Variants in SDK1 observed in about 807,000 individuals in gnomAD.
The protein encoded by SDK1 is sidekick cell adhesion molecule 1.
A neutral mutation model predicts 245.5 loss-of-function variants in SDK1; 157 were observed. The observed-to-expected ratio is 0.64, with a 90% CI of 0.56 to 0.73. SDK1 has a LOEUF of 0.73. Ranked by LOEUF, SDK1 falls within the 30% of genes least tolerant of loss-of-function variation. The pLI is 0.00. For missense variants in SDK1, 3,583 were observed against 3,002.3 expected (o/e 1.19, Z -4.52); for synonymous variants, 1,647 against 1,278.5 (o/e 1.29, Z -6.15).
chr7:3,355,665 C>T (rs575935804), intron 1 of SDK1, among the ~76,000 whole-genome samples: 32 of 152,256 alleles, frequency 2.1e-4, no homozygotes, highest in Middle Eastern at 3.4e-3. Context: ...AGCTTTCCAC[C>T]GACAAATCTA....
intron 5 of SDK1, among the ~76,000 whole-genome samples, chr7:3,828,425 AAAAAG>A (rs1350991573): frequency 1.3e-5 from 2 of 152,022 alleles, no homozygotes; most frequent in Admixed American, 6.6e-5. Context: ...TTTATCTATG[AAAAAG>A]AAAAGATTAG....
At chr7:3,585,490 G>A (rs1176543736) in intron 1 of SDK1, among the ~76,000 whole-genome samples, 2 of 152,154 alleles carry the variant, frequency 1.3e-5, no homozygotes, top group African/African-American at 4.8e-5. Context: ...GAGAGAAGGA[G>A]GCGCTCTTGA....
intron 4 of SDK1, among the ~76,000 whole-genome samples, chr7:3,803,872 C>T (rs1779173585): frequency 6.6e-6 from 1 of 150,738 alleles, no homozygotes; most frequent in Admixed American, 6.6e-5. Flanking sequence ...TCACGCCATT[C>T]TCCTGCCTCA....
intron 1 of SDK1, among the ~76,000 whole-genome samples, chr7:3,304,612 G>A (rs570638569): frequency 6.6e-6 from 1 of 152,246 alleles, no homozygotes; most frequent in Non-Finnish European, 1.5e-5. Context: ...CTCCAGCTTT[G>A]GTATGTGTTA....
intron 24 of SDK1, 49 bp downstream of exon 24, chr7:4,113,488 G>A (rs374252960): frequency 8.9e-5 from 143 of 1,599,136 alleles, no homozygotes; most frequent in Admixed American, 2.0e-4. Context: ...TCCTGAGTGA[G>A]CCAGGGCACA....
intron 4 of SDK1, among the ~76,000 whole-genome samples, chr7:3,783,399 G>A (rs1004157946): frequency 4.0e-5 from 6 of 151,436 alleles, no homozygotes; most frequent in African/African-American, 1.5e-4. Context: ...ATCGTAATAG[G>A]AAAGGAAGAG....
chr7:3,333,356 A>C (rs970860254), intron 1 of SDK1, among the ~76,000 whole-genome samples: 1 of 152,096 alleles, frequency 6.6e-6, no homozygotes, highest in Non-Finnish European at 1.5e-5. Flanking sequence ...GGAGTGTGCC[A>C]TTTTCTGCAG....
chr7:3,301,625 C>T lies in SDK1; in HGVS notation c.39C>T (p.Gly13=), dbSNP rs866033753. The change falls in exon 1 of 45, where the codon GGC becomes GGT. Residue 13 remains glycine, a synonymous_variant. Coordinates refer to ENST00000404826, the MANE Select transcript of SDK1 (RefSeq NM_152744.4). ...RGARPSAAGG[G]GGGAEPPERA... ...CCCGGCCCTCGGCGGCCGGTGGCGG[C>T]GGCGGCGGCGCGGAGCCCCCTGAGC... 5.0e-3 allele frequency: 4,903 copies of T among 976,540 alleles called. 193 individuals carry two copies. In the African/African-American group the frequency reaches 0.082, roughly 16 times the overall value. 60.5% of individuals were successfully genotyped at this position (976,540 alleles called of 1,614,324 possible).
chr7:3,521,345 G>A (rs562439343), intron 1 of SDK1, among the ~76,000 whole-genome samples: 5 of 152,304 alleles, frequency 3.3e-5, no homozygotes, highest in African/African-American at 9.6e-5. Context: ...GCTTTGTAAA[G>A]TAACAGATTC....
intron 4 of SDK1, among the ~76,000 whole-genome samples, chr7:3,678,327 T>C (rs1308247112): frequency 6.6e-6 from 1 of 152,220 alleles, no homozygotes; most frequent in African/African-American, 2.4e-5. Context: ...CCAATGTTTA[T>C]AGCAGCATTA....
At chr7:4,246,920 G>A (rs1056378755) in intron 44 of SDK1, among the ~76,000 whole-genome samples, 2 of 152,190 alleles carry the variant, frequency 1.3e-5, no homozygotes, top group African/African-American at 2.4e-5. Context: ...AGGCAGCCAC[G>A]AGGGGGCTCT....
chr7:3,510,982 C>A (rs545943746), intron 1 of SDK1, among the ~76,000 whole-genome samples: 1 of 152,310 alleles, frequency 6.6e-6, no homozygotes, highest in East Asian at 1.9e-4. Flanking sequence ...CAAAGAATTG[C>A]CCTGGCTGCT....
At chr7:3,994,689 T>C (rs1027150968) in intron 14 of SDK1, among the ~76,000 whole-genome samples, 5 of 151,894 alleles carry the variant, frequency 3.3e-5, no homozygotes, top group Admixed American at 2.6e-4. Context: ...CTTGACTCCT[T>C]CACCATTAAT....
intron 5 of SDK1, among the ~76,000 whole-genome samples, chr7:3,850,450 G>A (rs994643695): frequency 6.6e-5 from 10 of 152,180 alleles, no homozygotes; most frequent in African/African-American, 1.9e-4. Context: ...ACAATGCGGC[G>A]ATCCCTCAAG....
At chr7:3,458,869 G>A (rs539377422) in intron 1 of SDK1, among the ~76,000 whole-genome samples, 17 of 152,170 alleles carry the variant, frequency 1.1e-4, no homozygotes, top group African/African-American at 3.4e-4. Flanking sequence ...CTTAATTACC[G>A]TAGTTTTACA....
intron 1 of SDK1, among the ~76,000 whole-genome samples, chr7:3,484,825 A>C (rs765584686): frequency 6.6e-6 from 1 of 152,194 alleles, no homozygotes; most frequent in Non-Finnish European, 1.5e-5. Flanking sequence ...GCTGCAAATG[A>C]CAGCATTTCA....
At chr7:4,105,009 G>A (rs1379158633) in intron 22 of SDK1, among the ~76,000 whole-genome samples, 1 of 152,012 alleles carries the variant, frequency 6.6e-6, no homozygotes, top group Non-Finnish European at 1.5e-5. Context: ...TTGAGATGAA[G>A]TCGCACTCTG....
intron 31 of SDK1, among the ~76,000 whole-genome samples, chr7:4,161,049 A>T (rs1283778928): frequency 6.6e-6 from 1 of 152,194 alleles, no homozygotes; most frequent in Non-Finnish European, 1.5e-5. Flanking sequence ...GGCCCCCGGG[A>T]TCTTACAGCT....
At chr7:3,657,787 C>T (rs180885562) in intron 4 of SDK1, among the ~76,000 whole-genome samples, 5 of 152,202 alleles carry the variant, frequency 3.3e-5, no homozygotes, top group Admixed American at 6.5e-5. Flanking sequence ...TAAATCTTCA[C>T]GACATGCTAG....
Sources: gnomAD v4.1 joint callset for allele counts (sites outside exome capture counted in the v4.1 genomes callset) on GRCh38, gnomAD v4.1.1 for gene constraint, MANE v1.5 for transcripts, NCBI Gene and HGNC (gene_info 2026-07-23, HGNC 2026-07-21) for gene names.